The following ZDHHC15 variants were observed in gnomAD, a reference collection of about 807,000 sequenced individuals.
The protein encoded by ZDHHC15 is zDHHC palmitoyltransferase 15.
In ZDHHC15, 19 loss-of-function variants were observed where a neutral mutation model predicts 31.7. The ratio of observed to expected loss-of-function variants is 0.60; its 90% CI spans 0.42 to 0.88. The LOEUF (loss-of-function observed/expected upper bound fraction) is 0.88, where lower values mean the gene tolerates loss of function less well. Among genes scored for constraint, ZDHHC15 ranks in the 40% least tolerant of loss-of-function variants. The probability of loss-of-function intolerance (pLI) is 0.00; values close to 1 mark genes in which losing one functional copy is unlikely to be tolerated. For missense variants in ZDHHC15, 209 were observed against 251.2 expected, an observed-to-expected ratio of 0.83 and a Z score of 1.14; for synonymous variants, 103 against 90.0, an observed-to-expected ratio of 1.14 and a Z score of -0.82.
Position 75,473,358 on chromosome X carries a change from T to A in ZDHHC15, c.258+5533A>T, listed in dbSNP as rs143976671. ...ATTCATGTGTCTAGAAATCAAGTGG[T>A]GGAAGTGGAAGTGGCACTACTCACT... On this transcript the variant is annotated intron_variant, in intron 3 of 11. Coordinates refer to ENST00000373367, the MANE Select transcript of ZDHHC15 (RefSeq NM_144969.3). Among the ~76,000 whole-genome samples, 1,046 of 111,603 alleles carry A rather than the reference T, an allele frequency of 9.4e-3. 16 individuals are homozygous for A. The highest frequency in any genetic ancestry group is 0.033 in the African/African-American group (1,004 of 30,736).
intron 2 of ZDHHC15, among the ~76,000 whole-genome samples, chrX:75,485,720 T>A (rs1282423096): frequency 9.0e-6 from 1 of 111,118 alleles, no homozygotes; most frequent in Non-Finnish European, 1.9e-5. Flanking sequence ...AGGGGAAAAA[T>A]CACTTAAAAA....
At chrX:75,458,297 T>C (rs1472727105) in intron 3 of ZDHHC15, among the ~76,000 whole-genome samples, 1 of 111,547 alleles carries the variant, frequency 9.0e-6, no homozygotes, top group Non-Finnish European at 1.9e-5. Context: ...GTTAGCGTAG[T>C]AGTTACCTCT....
At chrX:75,417,985 C>G in intron 9 of ZDHHC15, among the ~76,000 whole-genome samples, 1 of 112,168 alleles carries the variant, frequency 8.9e-6, no homozygotes, top group Middle Eastern at 4.6e-3. Flanking sequence ...ATTGATAGCA[C>G]TCTAAAGAGA....
rs2083002397 is a variant in ZDHHC15 at position 75,371,078 on chromosome X, A to G, written c.*1900T>C. On this transcript the variant is annotated 3_prime_UTR_variant, in exon 12 of 12. Transcript: ENST00000373367. ...CTGAATGCTTGGCAGAAGATGATTG[A>G]TGGGAAAGAGGAAGATTACTTTGAG... 1 of 111,566 alleles carries G rather than the reference A, an allele frequency of 9.0e-6. No homozygotes were observed. Among genetic ancestry groups the G allele is most frequent in the African/African-American group, 3.3e-5 (1 of 30,685 alleles). 9.2% of individuals were successfully genotyped at this position (111,566 alleles called of 1,213,427 possible). A position where few individuals can be genotyped will look rare whatever the true frequency, so the allele number is the denominator to read the frequency against.
intron 1 of ZDHHC15, among the ~76,000 whole-genome samples, chrX:75,515,432 T>C (rs1028779339): frequency 9.0e-6 from 1 of 110,759 alleles, no homozygotes; most frequent in Non-Finnish European, 1.9e-5. Flanking sequence ...GTTCAACATA[T>C]GCAAATCAAT....
chrX:75,429,944 A>T lies in ZDHHC15; in HGVS notation c.482+4T>A. The stretch of plus-strand genomic sequence containing the variant: ...GAGGAGAGAAATGAATCAAACAGAC[A>T]TACCAAGGGCAGTGATGATCCATTT... On this transcript the variant is annotated splice_donor_region_variant and intron_variant, in intron 6 of 11. Transcript: ENST00000373367. 3 of 1,209,496 alleles carry T rather than the reference A, an allele frequency of 2.5e-6. No individual in the cohort carries two copies. The highest frequency in any genetic ancestry group is 3.4e-6 in the Non-Finnish European group (3 of 894,108).
chrX:75,491,734 C>A (rs992222306), intron 2 of ZDHHC15, among the ~76,000 whole-genome samples: 3 of 110,996 alleles, frequency 2.7e-5, no homozygotes, highest in Non-Finnish European at 5.7e-5. Flanking sequence ...TACAGACAAG[C>A]AAATGCTGAG....
At chrX:75,487,898 C>G (rs957602810) in intron 2 of ZDHHC15, among the ~76,000 whole-genome samples, 1 of 111,762 alleles carries the variant, frequency 8.9e-6, no homozygotes, top group African/African-American at 3.3e-5. Context: ...AAAGTTTCAA[C>G]AAAAGAATTG....
Position 75,431,420 on chromosome X carries a change from C to T in ZDHHC15, c.449+31G>A, listed in dbSNP as rs750253608. 6 of 1,189,273 alleles carry T rather than the reference C, an allele frequency of 5.0e-6. No homozygotes were observed. The African/African-American group carries it at 1.1e-4, about 21-fold the overall frequency. ...TCTAGGAAACCTTCAGTGGCCAAGC[C>T]CAGCCCAGGGGAAATATGGCCGTCA... On this transcript the variant is annotated intron_variant, in intron 5 of 11. Transcript: ENST00000373367.
At chrX:75,487,146 TC>T (rs1240417731) in intron 2 of ZDHHC15, among the ~76,000 whole-genome samples, 1 of 111,838 alleles carries the variant, frequency 8.9e-6, no homozygotes, top group Non-Finnish European at 1.9e-5. Flanking sequence ...TAATTCCATG[TC>T]CTACAACACC....
At chrX:75,394,077 C>T (rs111343247) in intron 10 of ZDHHC15, among the ~76,000 whole-genome samples, 2,014 of 111,688 alleles carry the variant, frequency 0.018, 56 homozygotes, top group African/African-American at 0.062. Flanking sequence ...CCTCCTTTGG[C>T]AACACCATCA....
chrX:75,476,749 C>T (rs2084611831), intron 3 of ZDHHC15, among the ~76,000 whole-genome samples: 1 of 104,756 alleles, frequency 9.5e-6, no homozygotes, highest in Non-Finnish European at 2.0e-5. Context: ...CCTCCCTTCC[C>T]TTCTCTCCTC....
At chrX:75,408,397 A>C (rs1006150560) in intron 10 of ZDHHC15, among the ~76,000 whole-genome samples, 11 of 111,225 alleles carry the variant, frequency 9.9e-5, no homozygotes, top group Non-Finnish European at 1.5e-4. Context: ...GATAGAATAC[A>C]AGTTCCCTAT....
At chrX:75,447,312 C>T (rs2084047766) in intron 4 of ZDHHC15, among the ~76,000 whole-genome samples, 1 of 112,432 alleles carries the variant, frequency 8.9e-6, no homozygotes, top group Non-Finnish European at 1.9e-5. Context: ...ATTTGTCTTC[C>T]CTGCATGCTG....
At chrX:75,485,706 G>A (rs1220877510) in intron 2 of ZDHHC15, among the ~76,000 whole-genome samples, 1 of 111,132 alleles carries the variant, frequency 9.0e-6, no homozygotes, top group Non-Finnish European at 1.9e-5. Context: ...TTGTCAAAAC[G>A]TAAAGGGGAA....
At position 75,410,371 on chromosome X, in the gene ZDHHC15, G is replaced by GA. The variant is rs372660538; in HGVS notation, c.967+6715dup. Among the ~76,000 whole-genome samples, 697 of 100,984 alleles carry GA rather than the reference G, an allele frequency of 6.9e-3. 8 individuals carry two copies. The highest frequency in any genetic ancestry group is 0.023 in the African/African-American group (634 of 27,713). 87.7% of individuals were successfully genotyped at this position (100,984 alleles called of 115,157 possible). A position where few individuals can be genotyped will look rare whatever the true frequency, so the allele number is the denominator to read the frequency against. ...GCTCAAACAACTTAATAGCAAAAAA[G>GA]AAAAAAAAAGAAAAGAAAAAAGAAA... On this transcript the variant is annotated intron_variant, in intron 10 of 11. Coordinates refer to ENST00000373367, the MANE Select transcript of ZDHHC15 (RefSeq NM_144969.3).
At chrX:75,376,861 A>G (rs2083065234) in intron 11 of ZDHHC15, among the ~76,000 whole-genome samples, 1 of 111,711 alleles carries the variant, frequency 9.0e-6, no homozygotes, top group African/African-American at 3.3e-5. Context: ...GGTAAAAATT[A>G]TGGCAATAAT....
rs1017884393 is a variant in ZDHHC15, at chrX:75,519,291, T to C, written c.136+3598A>G. ...TATTTTCCTGGGTCAGGAAGAATCC[T>C]TTATTTCTTTACTAATCACAAGTTA... On this transcript the variant is annotated intron_variant, in intron 1 of 11. Coordinates refer to ENST00000373367, the MANE Select transcript of ZDHHC15 (RefSeq NM_144969.3). 3.6e-5 allele frequency among the ~76,000 whole-genome samples: 4 copies of C among 111,983 alleles called. No homozygotes were observed. In the Admixed American group the frequency reaches 3.8e-4, roughly 11 times the overall value.
At chrX:75,513,628 C>G (rs1365161144) in intron 1 of ZDHHC15, among the ~76,000 whole-genome samples, 2 of 111,292 alleles carry the variant, frequency 1.8e-5, no homozygotes, top group Non-Finnish European at 3.8e-5. Context: ...TATATCCTAA[C>G]ATACTAATAT....
Sources: allele counts gnomAD v4.1 joint callset (sites outside exome capture counted in the v4.1 genomes callset), GRCh38; gene constraint gnomAD v4.1.1; transcripts MANE v1.5; gene names NCBI Gene and HGNC (gene_info 2026-07-23, HGNC 2026-07-21).